PTPRD: variants seen among roughly 807,000 people sequenced by gnomAD.
PTPRD encodes the protein receptor-type tyrosine-protein phosphatase delta.
A neutral mutation model predicts 214.5 loss-of-function variants in PTPRD; 34 were observed. The ratio of observed to expected loss-of-function variants is 0.16; its 90% CI spans 0.12 to 0.21. The LOEUF (loss-of-function observed/expected upper bound fraction) is 0.21. Ranked by LOEUF, PTPRD falls within the 10% of genes least tolerant of loss-of-function variation. The pLI is 1.00. For synonymous variants in PTPRD, 1,128 were observed against 845.7 expected, an observed-to-expected ratio of 1.33 and a Z score of -5.79; for missense variants, 2,545 against 2,398.7, an observed-to-expected ratio of 1.06 and a Z score of -1.27.
chr9:10,274,314 AG>A (rs2094565897), intron 3 of PTPRD, among the ~76,000 whole-genome samples: 1 of 152,164 alleles, frequency 6.6e-6, no homozygotes, highest in South Asian at 2.1e-4. Context: ...TCTGAGGACA[AG>A]GGTTATAGCT....
rs141076320 is a variant in PTPRD at position 10,491,974 on chromosome 9, T to C, written c.-600+120424A>G. 5.8e-3 allele frequency among the ~76,000 whole-genome samples: 876 copies of C among 152,310 alleles called. 6 individuals carry two copies. Among genetic ancestry groups the C allele is most frequent in the African/African-American group, 0.02 (845 of 41,576 alleles). ...TGAGAACATGCAGTGTTTGGTTTTC[T>C]GTTCCTGTGTTAGTTTGCTGAGAAT... On this transcript the variant is annotated intron_variant, in intron 2 of 45. Transcript: ENST00000381196.
chr9:8,539,207 T>C (rs963338792), intron 14 of PTPRD, among the ~76,000 whole-genome samples: 1 of 151,898 alleles, frequency 6.6e-6, no homozygotes, highest in Non-Finnish European at 1.5e-5. Context: ...TCAGGAGAAA[T>C]AGTATCTTTA....
At chr9:9,124,348 G>A (rs1280760793) in intron 10 of PTPRD, among the ~76,000 whole-genome samples, 2 of 151,942 alleles carry the variant, frequency 1.3e-5, no homozygotes, top group Non-Finnish European at 2.9e-5. Flanking sequence ...ATTTCCTTGT[G>A]CCAAAATGAG....
chr9:10,403,757 C>G (rs533369743), intron 2 of PTPRD, among the ~76,000 whole-genome samples: 9 of 151,630 alleles, frequency 5.9e-5, no homozygotes, highest in Non-Finnish European at 8.8e-5. Flanking sequence ...AAAGGCTACA[C>G]ACTATATGAC....
chr9:10,092,040 T>C (rs417045), intron 3 of PTPRD, among the ~76,000 whole-genome samples: 64,205 of 150,640 alleles, frequency 0.43, 14,545 homozygotes, highest in African/African-American at 0.55. Flanking sequence ...TCCACAAGCT[T>C]AAAAATGAAG....
chr9:9,046,874 A>G (rs2099673487), intron 10 of PTPRD, among the ~76,000 whole-genome samples: 1 of 151,992 alleles, frequency 6.6e-6, no homozygotes, highest in Non-Finnish European at 1.5e-5. Context: ...AGGATGCTCA[A>G]TTTTACCACT....
At chr9:8,879,584 G>A (rs1034665940) in intron 11 of PTPRD, among the ~76,000 whole-genome samples, 1 of 152,098 alleles carries the variant, frequency 6.6e-6, no homozygotes, top group African/African-American at 2.4e-5. Flanking sequence ...TATGATTAAT[G>A]TCTACTCCCT....
At chr9:9,884,014 T>C (rs565615250) in intron 5 of PTPRD, among the ~76,000 whole-genome samples, 1 of 152,300 alleles carries the variant, frequency 6.6e-6, no homozygotes, top group Admixed American at 6.5e-5. Flanking sequence ...TATCCCTTAG[T>C]ACATATTTAT....
chr9:9,483,404 G>A (rs1214198710), intron 8 of PTPRD, among the ~76,000 whole-genome samples: 1 of 152,088 alleles, frequency 6.6e-6, no homozygotes, highest in Non-Finnish European at 1.5e-5. Context: ...ATGTAAACAA[G>A]GGAGTCAATG....
chr9:9,675,114 A>G (rs1304496830), intron 7 of PTPRD, among the ~76,000 whole-genome samples: 1 of 151,936 alleles, frequency 6.6e-6, no homozygotes, highest in Non-Finnish European at 1.5e-5. Context: ...GACAAACACA[A>G]TCTGATGGCA....
At chr9:9,904,959 C>A (rs1025836664) in intron 5 of PTPRD, among the ~76,000 whole-genome samples, 1 of 151,956 alleles carries the variant, frequency 6.6e-6, no homozygotes, top group African/African-American at 2.4e-5. Context: ...GAACAACATG[C>A]ATAAACATGG....
rs78444191 is a variant in PTPRD, at chr9:8,534,794, T to C, written c.353-6015A>G. The stretch of plus-strand genomic sequence containing the variant: ...TACGAACTTTCTCGGAAAATTTAAA[T>C]ACACATTGGTCTTAAGGTGGTCAAA... On this transcript the variant is annotated intron_variant, in intron 14 of 45. Coordinates refer to ENST00000381196, the MANE Select transcript of PTPRD (RefSeq NM_002839.4). Among the ~76,000 whole-genome samples, 953 of 151,932 alleles carry C rather than the reference T, an allele frequency of 6.3e-3. 2 individuals are homozygous for C. Among genetic ancestry groups the C allele is most frequent in the Non-Finnish European group, 0.01 (691 of 67,822 alleles).
intron 12 of PTPRD, among the ~76,000 whole-genome samples, chr9:8,723,529 T>C (rs901073925): frequency 7.2e-5 from 11 of 152,326 alleles, no homozygotes; most frequent in African/African-American, 2.2e-4. Context: ...AACAGGAATC[T>C]GGATCTGGCT....
intron 7 of PTPRD, among the ~76,000 whole-genome samples, chr9:9,653,296 T>C (rs1356231636): frequency 1.6e-5 from 2 of 124,470 alleles, no homozygotes; most frequent in Non-Finnish European, 3.2e-5. Flanking sequence ...GAGCCGAGAT[T>C]GCGCCACTGC....
At chr9:8,726,788 G>A (rs1295814725) in intron 12 of PTPRD, among the ~76,000 whole-genome samples, 3 of 100,692 alleles carry the variant, frequency 3.0e-5, no homozygotes, top group African/African-American at 1.2e-4. Flanking sequence ...GTGACAGAGT[G>A]AGACTCCATC....
At chr9:10,433,554 A>G (rs1041437732) in intron 2 of PTPRD, among the ~76,000 whole-genome samples, 1 of 152,018 alleles carries the variant, frequency 6.6e-6, no homozygotes, top group African/African-American at 2.4e-5. Context: ...CTCTTATGTC[A>G]TCTGTCTAAT....
intron 14 of PTPRD, 70 bp downstream of exon 14, chr9:8,633,247 C>T (rs2096309507): frequency 2.6e-6 from 4 of 1,540,782 alleles, no homozygotes; most frequent in Non-Finnish European, 1.8e-6. Context: ...CTAGTCTTTT[C>T]AATGATGCTA....
At chr9:10,275,433 GAA>G (rs1399007030) in intron 3 of PTPRD, among the ~76,000 whole-genome samples, 2 of 147,926 alleles carry the variant, frequency 1.4e-5, no homozygotes, top group Non-Finnish European at 2.9e-5. Context: ...ATGAGAGAGA[GAA>G]AAAGAGAGAG....
chr9:10,192,397 T>C (rs891637914), intron 3 of PTPRD, among the ~76,000 whole-genome samples: 6 of 123,138 alleles, frequency 4.9e-5, no homozygotes, highest in African/African-American at 9.8e-5. Flanking sequence ...AGAACCCAAA[T>C]GAGTATCACT....
Sources: allele counts gnomAD v4.1 joint callset (sites outside exome capture counted in the v4.1 genomes callset), GRCh38; gene constraint gnomAD v4.1.1; transcripts MANE v1.5; gene names NCBI Gene and HGNC (gene_info 2026-07-23, HGNC 2026-07-21).